The following FBXL7 variants were observed in gnomAD, a reference collection of about 807,000 sequenced individuals.
The protein encoded by FBXL7 is F-box and leucine rich repeat protein 7.
FBXL7 carries 12 observed loss-of-function variants against 38.3 expected under a neutral mutation model. The observed-to-expected ratio is 0.31, with a 90% confidence interval of 0.20 to 0.51. The LOEUF (loss-of-function observed/expected upper bound fraction) is 0.51. Ranked by LOEUF, FBXL7 falls within the 20% of genes least tolerant of loss-of-function variation. The probability of loss-of-function intolerance (pLI) is 0.98; values close to 1 mark genes in which losing one functional copy is unlikely to be tolerated. For synonymous variants in FBXL7, 297 were observed against 300.9 expected (o/e 0.99, Z 0.13); for missense variants, 567 against 676.4 (o/e 0.84, Z 1.79).
intron 2 of FBXL7, among the ~76,000 whole-genome samples, chr5:15,745,018 T>C (rs1457990799): frequency 1.3e-5 from 2 of 152,136 alleles, no homozygotes; most frequent in East Asian, 3.9e-4. Context: ...TTATGGAAAC[T>C]ACAATTTAAG....
At chr5:15,718,788 G>T (rs1042804856) in intron 2 of FBXL7, among the ~76,000 whole-genome samples, 3 of 152,214 alleles carry the variant, frequency 2.0e-5, no homozygotes, top group Admixed American at 1.3e-4. Context: ...GCTTCCAGGG[G>T]ACAGAATTTG....
chr5:15,773,668 G>C (rs1400803671), intron 2 of FBXL7, among the ~76,000 whole-genome samples: 2 of 152,052 alleles, frequency 1.3e-5, no homozygotes, highest in African/African-American at 2.4e-5. Context: ...CCAAAACTTA[G>C]AGAATTTTTT....
At chr5:15,914,202 T>C (rs1741520908) in intron 2 of FBXL7, among the ~76,000 whole-genome samples, 1 of 151,810 alleles carries the variant, frequency 6.6e-6, no homozygotes, top group Non-Finnish European at 1.5e-5. Flanking sequence ...CTGGCTAACA[T>C]GATAAAACCC....
At chr5:15,617,787 A>G (rs925320655) in intron 2 of FBXL7, among the ~76,000 whole-genome samples, 1 of 152,136 alleles carries the variant, frequency 6.6e-6, no homozygotes, top group African/African-American at 2.4e-5. Flanking sequence ...AGTGGAAATC[A>G]TTGCAGTTAC....
At chr5:15,757,930 C>T (rs1184315800) in intron 2 of FBXL7, among the ~76,000 whole-genome samples, 2 of 152,140 alleles carry the variant, frequency 1.3e-5, no homozygotes, top group Non-Finnish European at 2.9e-5. Flanking sequence ...TTTTCGTTTA[C>T]AGATGAGCCC....
chr5:15,645,362 A>G (rs1741497412), intron 2 of FBXL7, among the ~76,000 whole-genome samples: 1 of 152,152 alleles, frequency 6.6e-6, no homozygotes, highest in Non-Finnish European at 1.5e-5. Context: ...CTCCTTTGGA[A>G]AGGCTAATCA....
chr5:15,749,401 C>T (rs1736097003), intron 2 of FBXL7, among the ~76,000 whole-genome samples: 1 of 151,972 alleles, frequency 6.6e-6, no homozygotes, highest in Admixed American at 6.6e-5. Flanking sequence ...CCAAGGCGGG[C>T]GAATCACGAG....
chr5:15,529,782 T>C (rs115563101), intron 1 of FBXL7, among the ~76,000 whole-genome samples: 1,901 of 152,336 alleles, frequency 0.012, 21 homozygotes, highest in Middle Eastern at 0.051. Flanking sequence ...CTCAGTTTCC[T>C]CTTTTTCTTA....
At chr5:15,892,505 G>C (rs1229368368) in intron 2 of FBXL7, among the ~76,000 whole-genome samples, 1 of 152,192 alleles carries the variant, frequency 6.6e-6, no homozygotes, top group Non-Finnish European at 1.5e-5. Context: ...GAGACTGGTA[G>C]TTTGAAATAA....
chr5:15,820,830 C>T (rs567812012), intron 2 of FBXL7, among the ~76,000 whole-genome samples: 53 of 152,212 alleles, frequency 3.5e-4, no homozygotes, highest in African/African-American at 1.3e-3. Context: ...TTCTTGAGAG[C>T]TGTCATGTTG....
intron 2 of FBXL7, among the ~76,000 whole-genome samples, chr5:15,862,926 G>C (rs1380471853): frequency 6.6e-6 from 1 of 152,182 alleles, no homozygotes; most frequent in Non-Finnish European, 1.5e-5. Flanking sequence ...GAGGCCAGTA[G>C]GGCTGCTCAT....
chr5:15,627,050 A>G (rs1327600395), intron 2 of FBXL7, among the ~76,000 whole-genome samples: 3 of 152,176 alleles, frequency 2.0e-5, no homozygotes, highest in Admixed American at 6.5e-5. Flanking sequence ...TCTGGGTTTA[A>G]TAATGATTTC....
intron 1 of FBXL7, among the ~76,000 whole-genome samples, chr5:15,594,662 G>T (rs1739571043): frequency 6.6e-6 from 1 of 152,232 alleles, no homozygotes; most frequent in African/African-American, 2.4e-5. Context: ...GTCCAAAATA[G>T]AGACTCACAG....
At chr5:15,926,698 A>G (rs1741884545) in intron 2 of FBXL7, among the ~76,000 whole-genome samples, 1 of 152,060 alleles carries the variant, frequency 6.6e-6, no homozygotes, top group Non-Finnish European at 1.5e-5. Flanking sequence ...TATGGCTCAT[A>G]CTATTCAAAT....
intron 2 of FBXL7, among the ~76,000 whole-genome samples, chr5:15,634,915 C>T (rs1202340556): frequency 6.6e-6 from 1 of 152,068 alleles, no homozygotes; most frequent in South Asian, 2.1e-4. Context: ...TTACTTTGAG[C>T]CCTCCTAGAT....
At chr5:15,611,741 G>A (rs1740243002) in intron 1 of FBXL7, among the ~76,000 whole-genome samples, 1 of 151,892 alleles carries the variant, frequency 6.6e-6, no homozygotes, top group Admixed American at 6.6e-5. Context: ...CCAGCACTTT[G>A]GGAGGCCAAG....
At chr5:15,684,870 G>A (rs1742967190) in intron 2 of FBXL7, among the ~76,000 whole-genome samples, 1 of 152,178 alleles carries the variant, frequency 6.6e-6, no homozygotes, top group African/African-American at 2.4e-5. Context: ...TAGAGAAAAT[G>A]AGAAGACACT....
chr5:15,615,997 A>G lies in FBXL7; in HGVS notation c.52A>G (p.Ser18Gly). Residue 18 changes from serine to glycine, a missense_variant, in exon 2 of 4, where the codon AGC becomes GGC. Physicochemically the swap from Ser to Gly is moderately conservative, Grantham distance 56. Coordinates refer to ENST00000504595, the MANE Select transcript of FBXL7 (RefSeq NM_012304.5). ...QYGSEGKGSS[S>G]ISSDVSSSTD... The stretch of plus-strand genomic sequence containing the variant: ...GTTTCTTCCAGGCAAAGGCAGCTCG[A>G]GCATCTCATCTGACGTGAGTTCAAG... The G allele has an allele frequency of 6.2e-7, 1 of 1,612,706 alleles. No homozygotes were observed. The highest frequency in any genetic ancestry group is 8.5e-7 in the Non-Finnish European group (1 of 1,179,146).
At chr5:15,656,546 G>T (rs1234959599) in intron 2 of FBXL7, among the ~76,000 whole-genome samples, 1 of 152,106 alleles carries the variant, frequency 6.6e-6, no homozygotes, top group Non-Finnish European at 1.5e-5. Context: ...GAACAGTATG[G>T]TGGAAACTGC....
Sources: gnomAD v4.1 joint callset for allele counts (sites outside exome capture counted in the v4.1 genomes callset) on GRCh38, gnomAD v4.1.1 for gene constraint, MANE v1.5 for transcripts, NCBI Gene and HGNC (gene_info 2026-07-23, HGNC 2026-07-21) for gene names.